Variants in EEA1 observed in about 807,000 individuals in gnomAD.
The protein encoded by EEA1 is early endosome antigen 1.
EEA1 carries 111 observed loss-of-function variants against 209.2 expected under a neutral mutation model. The ratio of observed to expected loss-of-function variants is 0.53; its 90% CI spans 0.45 to 0.62. The LOEUF (loss-of-function observed/expected upper bound fraction) is 0.62. Ranked by LOEUF, EEA1 falls within the 20% of genes least tolerant of loss-of-function variation. The pLI is 0.00. For missense variants in EEA1, 1,343 were observed against 1,530.8 expected (o/e 0.88, Z 2.05); for synonymous variants, 536 against 540.6 (o/e 0.99, Z 0.12).
Position 92,774,619 on chromosome 12 carries a change from AG to A in EEA1, c.*1391del, listed in dbSNP as rs769340014. 14 of 151,714 alleles carry A rather than the reference AG, an allele frequency of 9.2e-5. No individual in the cohort carries two copies. Among genetic ancestry groups the A allele is most frequent in the Admixed American group, 2.6e-4 (4 of 15,226 alleles). 9.4% of individuals were successfully genotyped at this position (151,714 alleles called of 1,614,324 possible). Reference sequence around the variant, plus strand: ...AAATTAAAGTTCGATTCCATTGTTCAGCATACAAATAAGCTAATTTCTTAAT... The same window carrying A: ...AAATTAAAGTTCGATTCCATTGTTCACATACAAATAAGCTAATTTCTTAAT... On this transcript the variant is annotated 3_prime_UTR_variant, in exon 29 of 29. Coordinates refer to ENST00000322349, the MANE Select transcript of EEA1 (RefSeq NM_003566.4).
At chr12:92,835,579 T>C (rs951956626) in intron 10 of EEA1, among the ~76,000 whole-genome samples, 2 of 151,652 alleles carry the variant, frequency 1.3e-5, no homozygotes, top group Admixed American at 1.3e-4. Flanking sequence ...GCCCAGCTAA[T>C]TTTTTGTATT....
intron 1 of EEA1, among the ~76,000 whole-genome samples, chr12:92,893,444 T>C (rs1323485292): frequency 6.6e-6 from 1 of 152,196 alleles, no homozygotes; most frequent in Non-Finnish European, 1.5e-5. Context: ...TCCACTGAAA[T>C]GCCCCTCAAT....
chr12:92,789,937 A>G (rs1874320450), intron 21 of EEA1, among the ~76,000 whole-genome samples: 1 of 152,218 alleles, frequency 6.6e-6, no homozygotes. Flanking sequence ...AGGATCAGGC[A>G]GCAATATTTG....
In EEA1 at chr12:92,777,998, G is replaced by A. The variant is rs776754657; in HGVS notation, c.3836C>T (p.Ala1279Val). Residue 1279 changes from alanine (A) to valine (V), a missense_variant, in exon 26 of 29, where the codon GCA (alanine) becomes GTA (valine). By Grantham distance (64) the Ala-to-Val change is moderately conservative (BLOSUM62 0). This residue lies in a region of EEA1 where 1,307 missense variants were observed against 1,465.5 expected (regional missense o/e 0.89). Transcript: ENST00000322349. The part of the protein sequence containing the change: ...KQTDDLRGEI[A>V]VLEATVQNNQ... ...ATTCTGAACCGTTGCTTCTAATACT[G>A]CAATTTCACCCCGTAAGTCATCCGT... 4 of 1,613,142 alleles carry A rather than the reference G, an allele frequency of 2.5e-6. No individual in the cohort carries two copies. The highest frequency in any genetic ancestry group is 2.2e-5 in the East Asian group (1 of 44,840).
In EEA1 at chr12:92,929,137, T is replaced by G. The variant is rs2136798065; in HGVS notation, c.-71A>C. ...GCGCGGGGCCACTCACTACTCGGGG[T>G]GCGCGGGCGGGAGGGACTGGGCCGG... On this transcript the variant is annotated 5_prime_UTR_variant, in exon 1 of 29. Transcript: ENST00000322349. 12 of 1,312,844 alleles carry G rather than the reference T, an allele frequency of 9.1e-6. No individual in the cohort carries two copies. The highest frequency in any genetic ancestry group is 1.2e-5 in the Non-Finnish European group (11 of 953,398). 81.3% of individuals were successfully genotyped at this position (1,312,844 alleles called of 1,614,324 possible).
chr12:92,847,469 A>G (rs1877432728), intron 9 of EEA1, among the ~76,000 whole-genome samples: 1 of 152,250 alleles, frequency 6.6e-6, no homozygotes, highest in African/African-American at 2.4e-5. Flanking sequence ...CTAAAAAACA[A>G]ATGCAGTTAT....
At chr12:92,810,665 T>C (rs1187464790) in intron 17 of EEA1, among the ~76,000 whole-genome samples, 1 of 152,050 alleles carries the variant, frequency 6.6e-6, no homozygotes, top group Non-Finnish European at 1.5e-5. Context: ...ATTTTTTTTT[T>C]TTTTATTTTT....
In EEA1 at chr12:92,928,431, A is replaced by T. The variant is rs1201260185; in HGVS notation, c.24+612T>A. On this transcript the variant is annotated intron_variant, in intron 1 of 28. Coordinates refer to ENST00000322349, the MANE Select transcript of EEA1 (RefSeq NM_003566.4). The stretch of plus-strand genomic sequence containing the variant: ...TTGCACAGAAAACATATTTTTAATT[A>T]AAAAAAAAGTTTCCAACAGTGAGTA... Among the ~76,000 whole-genome samples the T allele has an allele frequency of 6.6e-5, 10 of 151,694 alleles. No individual in the cohort carries two copies. In the East Asian group the frequency reaches 1.7e-3, roughly 26 times the overall value.
Position 92,888,502 on chromosome 12 carries a change from G to A in EEA1, c.117+3127C>T, listed in dbSNP as rs548115686. On this transcript the variant is annotated intron_variant, in intron 2 of 28. Coordinates refer to ENST00000322349, the MANE Select transcript of EEA1 (RefSeq NM_003566.4). ...TGAGGCAGGAGAATGGCGTGAACCC[G>A]GGAGGCAGAGCTTACAGTGAGCCGA... is the stretch of plus-strand genomic sequence containing the variant. 2.7e-4 allele frequency among the ~76,000 whole-genome samples: 41 copies of A among 151,860 alleles called. 1 individual carries two copies. The highest frequency in any genetic ancestry group is 3.9e-4 in the East Asian group (2 of 5,158).
chr12:92,817,188 GT>G (rs1875836391), intron 14 of EEA1, among the ~76,000 whole-genome samples: 1 of 149,736 alleles, frequency 6.7e-6, no homozygotes, highest in African/African-American at 2.5e-5. Flanking sequence ...AAGGTACTGT[GT>G]TTTTTTCCCC....
At chr12:92,907,221 T>C (rs1416171602) in intron 1 of EEA1, among the ~76,000 whole-genome samples, 1 of 152,354 alleles carries the variant, frequency 6.6e-6, no homozygotes, top group East Asian at 1.9e-4. Flanking sequence ...ATTAACACCA[T>C]TGCTGAAAAT....
intron 2 of EEA1, among the ~76,000 whole-genome samples, chr12:92,876,367 C>T (rs969718913): frequency 3.9e-5 from 6 of 152,104 alleles, no homozygotes; most frequent in African/African-American, 1.4e-4. Context: ...CTGGCCAATA[C>T]ATGTTTAGTA....
At chr12:92,887,228 G>A (rs915148459) in intron 2 of EEA1, among the ~76,000 whole-genome samples, 1 of 152,068 alleles carries the variant, frequency 6.6e-6, no homozygotes, top group African/African-American at 2.4e-5. Flanking sequence ...GCTCATGGCT[G>A]TAATCCCAAC....
chr12:92,877,828 T>C (rs1244375807), intron 2 of EEA1, among the ~76,000 whole-genome samples: 2 of 152,194 alleles, frequency 1.3e-5, no homozygotes, highest in African/African-American at 4.8e-5. Context: ...GATAGGTAGG[T>C]GGAGGCCACA....
intron 14 of EEA1, among the ~76,000 whole-genome samples, chr12:92,817,225 T>G (rs1413391551): frequency 6.8e-6 from 1 of 146,144 alleles, no homozygotes; most frequent in Non-Finnish European, 1.5e-5. Context: ...TGTACTTCAT[T>G]GTGAACAGTT....
Position 92,852,974 on chromosome 12 carries a change from T to G in EEA1, c.458A>C (p.Asn153Thr), listed in dbSNP as rs1343692062. 6.2e-7 allele frequency: 1 copy of G among 1,612,394 alleles called. No individual in the cohort carries two copies. The highest frequency in any genetic ancestry group is 1.7e-5 in the Admixed American group (1 of 59,880). ...QLEEAQTENF[N>T]IKQMKDLFEQ... is the part of the protein sequence containing the mutation. ...AAATAAGTCTTTCATTTGCTTAATA[T>G]TAAAATTTTCTGTTTGGGCTTCTTC... The change falls in exon 7 of 29, where the codon AAT becomes ACT. Residue 153 changes from asparagine (N) to threonine (T), a missense_variant. Transcript: ENST00000322349.
chr12:92,823,495 G>A (rs542414163), intron 13 of EEA1, among the ~76,000 whole-genome samples: 1 of 152,234 alleles, frequency 6.6e-6, no homozygotes, highest in African/African-American at 2.4e-5. Context: ...TGCTCAGATT[G>A]TCACTTTTAA....
chr12:92,787,953 C>T lies in EEA1; in HGVS notation c.3064G>A (p.Glu1022Lys), dbSNP rs1181459322. Residue 1022 changes from glutamate to lysine, a missense_variant, in exon 22 of 29, where the codon GAA becomes AAA. Glu to Lys is a moderately conservative substitution (Grantham distance 56). Transcript: ENST00000322349. ...TGTTTGAAAGTTTCCTGACTTTTTT[C>T]ATAGTTGTTTTGTAATACTGATATT... ...EKISVLQNNY[E>K]KSQETFKQLQ... 12 of 1,612,886 alleles carry T rather than the reference C, an allele frequency of 7.4e-6. No individual in the cohort carries two copies. Among genetic ancestry groups the T allele is most frequent in the Middle Eastern group, 1.6e-4 (1 of 6,070 alleles).
chr12:92,783,341 C>T (rs985896161), intron 22 of EEA1, among the ~76,000 whole-genome samples: 4 of 152,092 alleles, frequency 2.6e-5, no homozygotes, highest in African/African-American at 9.7e-5. Context: ...TGTTTGGTCA[C>T]AGAAGTCTTC....
Sources: allele counts gnomAD v4.1 joint callset (sites outside exome capture counted in the v4.1 genomes callset), GRCh38; gene constraint gnomAD v4.1.1; regional missense constraint gnomAD v4.1.1; transcripts MANE v1.5; gene names NCBI Gene and HGNC (gene_info 2026-07-23, HGNC 2026-07-21).